The following LDB2 variants were observed in gnomAD, a reference collection of about 807,000 sequenced individuals.
LDB2 encodes the protein LIM domain binding 2.
In LDB2, 12 loss-of-function variants were observed where a neutral mutation model predicts 44.3. The observed-to-expected ratio is 0.27, with a 90% CI of 0.17 to 0.44. The LOEUF is 0.44. LDB2 is among the 20% of genes least tolerant of loss of function. LDB2 has a pLI of 1.00. For synonymous variants in LDB2, 164 were observed against 174.8 expected, an observed-to-expected ratio of 0.94 and a Z score of 0.49; for missense variants, 344 against 473.5, an observed-to-expected ratio of 0.73 and a Z score of 2.54.
chr4:16,592,757 T>C (rs556341595), intron 3 of LDB2, among the ~76,000 whole-genome samples: 2 of 152,026 alleles, frequency 1.3e-5, no homozygotes, highest in African/African-American at 4.8e-5. Context: ...CCAATCTTTA[T>C]AGAGATGATA....
chr4:16,765,287 G>C (rs16893961), intron 1 of LDB2, among the ~76,000 whole-genome samples: 2,166 of 152,282 alleles, frequency 0.014, 56 homozygotes, highest in African/African-American at 0.049. Flanking sequence ...GCAATGTGTT[G>C]AGCCAAGGGA....
At chr4:16,708,936 C>T (rs1414130767) in intron 2 of LDB2, among the ~76,000 whole-genome samples, 1 of 152,044 alleles carries the variant, frequency 6.6e-6, no homozygotes, top group African/African-American at 2.4e-5. Context: ...TGCAAGCCAC[C>T]TCATCCTGCC....
intron 1 of LDB2, among the ~76,000 whole-genome samples, chr4:16,887,833 C>CA (rs1165176241): frequency 4.0e-5 from 6 of 151,832 alleles, no homozygotes; most frequent in African/African-American, 1.5e-4. Context: ...AAGTATAGGA[C>CA]AATGTATGTA....
At chr4:16,726,710 T>C (rs1759550734) in intron 2 of LDB2, among the ~76,000 whole-genome samples, 1 of 152,208 alleles carries the variant, frequency 6.6e-6, no homozygotes, top group Non-Finnish European at 1.5e-5. Context: ...CCTGTGGCCA[T>C]TTCCAATCAA....
rs1002013091 is a variant in LDB2, at chr4:16,554,168, A to G, written c.615+31754T>C. Among the ~76,000 whole-genome samples, 4 of 151,450 alleles carry G rather than the reference A, an allele frequency of 2.6e-5. No individual in the cohort carries two copies. The East Asian group carries it at 7.8e-4, about 30-fold the overall frequency. Reference sequence around the variant, plus strand: ...CAGGTTCAAGCAATTCTCTTGCCTCAGCCTCACGAGTAGCTGGGATTACAG... The same window carrying G: ...CAGGTTCAAGCAATTCTCTTGCCTCGGCCTCACGAGTAGCTGGGATTACAG... On this transcript the variant is annotated intron_variant, in intron 5 of 7. Transcript: ENST00000304523.
At chr4:16,666,848 ACAG>A (rs1201708015) in intron 2 of LDB2, among the ~76,000 whole-genome samples, 1 of 152,222 alleles carries the variant, frequency 6.6e-6, no homozygotes, top group African/African-American at 2.4e-5. Context: ...TTGTTTTCTG[ACAG>A]CACTTCATTG....
chr4:16,814,963 T>C (rs1780640864), intron 1 of LDB2, among the ~76,000 whole-genome samples: 1 of 152,216 alleles, frequency 6.6e-6, no homozygotes, highest in Non-Finnish European at 1.5e-5. Context: ...TTCCTTTTAA[T>C]AAACAATGCC....
intron 5 of LDB2, among the ~76,000 whole-genome samples, chr4:16,538,227 C>A (rs949942361): frequency 6.6e-6 from 1 of 152,150 alleles, no homozygotes; most frequent in Non-Finnish European, 1.5e-5. Flanking sequence ...CAGAGCAGAA[C>A]AACAAGCCCT....
chr4:16,506,327 T>TA, intron 7 of LDB2: 1 of 205,780 alleles, frequency 4.9e-6, no homozygotes, highest in Non-Finnish European at 9.8e-6. Context: ...TAAAACATCT[T>TA]TAACTGCATA....
intron 1 of LDB2, among the ~76,000 whole-genome samples, chr4:16,809,729 A>AAAACAAAAC (rs1554031288): frequency 1.3e-5 from 2 of 148,282 alleles, no homozygotes; most frequent in African/African-American, 2.5e-5. Context: ...AAAACAAAAC[A>AAAACAAAAC]AAACAAACAA....
intron 2 of LDB2, among the ~76,000 whole-genome samples, chr4:16,751,925 C>T (rs1231270942): frequency 6.6e-6 from 1 of 152,154 alleles, no homozygotes; most frequent in African/African-American, 2.4e-5. Context: ...AATATCAGTT[C>T]CCACTGCACT....
rs138795538 is a variant in LDB2 at position 16,674,522 on chromosome 4, T to C, written c.236-78647A>G. Among the ~76,000 whole-genome samples, 3 of 152,292 alleles carry C rather than the reference T, an allele frequency of 2.0e-5. No individual in the cohort carries two copies. In the East Asian group the frequency reaches 5.8e-4, roughly 29 times the overall value. On this transcript the variant is annotated intron_variant, in intron 2 of 7. Coordinates refer to ENST00000304523, the MANE Select transcript of LDB2 (RefSeq NM_001290.5). ...ATTATAAGTTCATTTCTGAGCATCA[T>C]ATTTTTGAAAGGTGAGGATTATTAA...
rs188170700 is a variant in LDB2, at chr4:16,537,698, C to T, written c.616-25594G>A. ...GAGAGGAGGGTCAATGAGGGATCCTCTACTTCCTTTTAGAGGCATTGAAAC... is the reference window on the plus strand; with the variant it reads ...GAGAGGAGGGTCAATGAGGGATCCTTTACTTCCTTTTAGAGGCATTGAAAC... On this transcript the variant is annotated intron_variant, in intron 5 of 7. Transcript: ENST00000304523. Among the ~76,000 whole-genome samples, 775 of 152,314 alleles carry T rather than the reference C, an allele frequency of 5.1e-3. 2 individuals carry two copies. Among genetic ancestry groups the T allele is most frequent in the Non-Finnish European group, 8.4e-3 (570 of 68,018 alleles).
chr4:16,893,971 A>C (rs1163692548), intron 1 of LDB2, among the ~76,000 whole-genome samples: 2 of 152,122 alleles, frequency 1.3e-5, no homozygotes, highest in Non-Finnish European at 2.9e-5. Context: ...TAATAATCGA[A>C]CATTAGTTAA....
chr4:16,855,888 G>A (rs953354161), intron 1 of LDB2, among the ~76,000 whole-genome samples: 1 of 152,112 alleles, frequency 6.6e-6, no homozygotes, highest in Non-Finnish European at 1.5e-5. Flanking sequence ...CATTCAAAGT[G>A]CAAGATGGAC....
chr4:16,733,663 C>T lies in LDB2; in HGVS notation c.235+25495G>A, dbSNP rs1039109753. On this transcript the variant is annotated intron_variant, in intron 2 of 7. Coordinates refer to ENST00000304523, the MANE Select transcript of LDB2 (RefSeq NM_001290.5). ...TGGGTAAAAAGTCTTTGTGTGGCAC[C>T]AGCGAATTCAGGTTTGCTCCCTTTC... is the stretch of plus-strand genomic sequence containing the variant. Among the ~76,000 whole-genome samples, 82 of 152,144 alleles carry T rather than the reference C, an allele frequency of 5.4e-4. 4 individuals carry two copies.
At chr4:16,728,797 G>T (rs1159281732) in intron 2 of LDB2, among the ~76,000 whole-genome samples, 1 of 152,186 alleles carries the variant, frequency 6.6e-6, no homozygotes, top group African/African-American at 2.4e-5. Context: ...TGTGTGAGAT[G>T]ATGGCACAAT....
chr4:16,568,397 G>C (rs1745295494), intron 5 of LDB2, among the ~76,000 whole-genome samples: 1 of 152,216 alleles, frequency 6.6e-6, no homozygotes, highest in South Asian at 2.1e-4. Flanking sequence ...AGGATAGAAA[G>C]AGAATGGACA....
intron 1 of LDB2, among the ~76,000 whole-genome samples, chr4:16,863,381 G>A (rs1713406509): frequency 6.6e-6 from 1 of 152,162 alleles, no homozygotes; most frequent in Non-Finnish European, 1.5e-5. Flanking sequence ...ATTTGTATTA[G>A]GTGATGGTTT....
Sources: gnomAD v4.1 joint callset for allele counts (sites outside exome capture counted in the v4.1 genomes callset) on GRCh38, gnomAD v4.1.1 for gene constraint, MANE v1.5 for transcripts, NCBI Gene and HGNC (gene_info 2026-07-23, HGNC 2026-07-21) for gene names.